The following NSF variants were observed in gnomAD, a reference collection of about 807,000 sequenced individuals.
NSF encodes N-ethylmaleimide sensitive factor, vesicle fusing ATPase, also known as vesicle-fusing ATPase.
In NSF, 14 loss-of-function variants were observed where a neutral mutation model predicts 50.3. The observed-to-expected ratio is 0.28, with a 90% CI of 0.18 to 0.44. The LOEUF is 0.44. Ranked by LOEUF, NSF falls within the 20% of genes least tolerant of loss-of-function variation. The pLI, the probability that NSF is intolerant of heterozygous loss-of-function variation, is 1.00. For missense variants in NSF, 218 were observed against 504.3 expected (o/e 0.43, Z 5.44); for synonymous variants, 109 against 175.7 (o/e 0.62, Z 3.00).
At chr17:46,739,251 G>A (rs1379425158) in intron 17 of NSF, among the ~76,000 whole-genome samples, 2 of 151,274 alleles carry the variant, frequency 1.3e-5, no homozygotes, top group African/African-American at 2.4e-5. Context: ...GGCGTCTGTA[G>A]TCCCAGCTAC....
intron 15 of NSF, among the ~76,000 whole-genome samples, chr17:46,724,687 A>G (rs1335295379): frequency 6.6e-6 from 1 of 152,214 alleles, no homozygotes; most frequent in African/African-American, 2.4e-5. Context: ...ACTTTTGTGA[A>G]AGTAGGATTA....
intron 4 of NSF, among the ~76,000 whole-genome samples, chr17:46,630,990 T>G (rs1167111996): frequency 7.1e-6 from 1 of 140,152 alleles, no homozygotes; most frequent in Non-Finnish European, 1.5e-5. Flanking sequence ...TTTACCCAGC[T>G]TTACCAATTG....
At chr17:46,745,829 A>G (rs2059122581) in intron 17 of NSF, among the ~76,000 whole-genome samples, 1 of 152,168 alleles carries the variant, frequency 6.6e-6, no homozygotes, top group South Asian at 2.1e-4. Context: ...ATATAACAGC[A>G]CCACTTTTTG....
At chr17:46,734,033 G>C (rs77897081) in intron 17 of NSF, among the ~76,000 whole-genome samples, 1 of 152,164 alleles carries the variant, frequency 6.6e-6, no homozygotes, top group Non-Finnish European at 1.5e-5. Context: ...CATGAGTTTT[G>C]TTTTTAACAT....
chr17:46,708,307 C>T (rs1179411420), intron 13 of NSF, among the ~76,000 whole-genome samples: 1 of 152,118 alleles, frequency 6.6e-6, no homozygotes, highest in Admixed American at 6.5e-5. Context: ...TACATTCCCA[C>T]CAGTGGTGCA....
intron 17 of NSF, among the ~76,000 whole-genome samples, chr17:46,740,419 TA>T (rs1160611960): frequency 6.6e-6 from 1 of 152,016 alleles, no homozygotes; most frequent in East Asian, 1.9e-4. Flanking sequence ...ATCACAGAGG[TA>T]AAAATTAAAT....
At chr17:46,716,632 T>C (rs2058773710) in intron 15 of NSF, among the ~76,000 whole-genome samples, 1 of 151,996 alleles carries the variant, frequency 6.6e-6, no homozygotes, top group East Asian at 1.9e-4. Context: ...ATTTATAGAG[T>C]TTTATAATTC....
intron 17 of NSF, among the ~76,000 whole-genome samples, chr17:46,739,450 A>G (rs531953028): frequency 2.1e-4 from 32 of 149,462 alleles, no homozygotes; most frequent in African/African-American, 7.4e-4. Flanking sequence ...GAAGTGGGAG[A>G]ATCACCTGAG....
At chr17:46,751,884 C>T (rs1049159679) in intron 19 of NSF, among the ~76,000 whole-genome samples, 52 of 152,176 alleles carry the variant, frequency 3.4e-4, no homozygotes, top group African/African-American at 1.2e-3. Context: ...CTAGAAAAGA[C>T]TTCAAAGAGC....
chr17:46,705,401 C>T (rs1157217799), intron 13 of NSF, among the ~76,000 whole-genome samples: 2 of 151,968 alleles, frequency 1.3e-5, no homozygotes, highest in Non-Finnish European at 2.9e-5. Context: ...AAAACGCACT[C>T]AAAATGGTCA....
In NSF at chr17:46,754,941, T is replaced by C. The variant is rs72836339; in HGVS notation, c.2158-373T>C. Among the ~76,000 whole-genome samples the C allele has an allele frequency of 4.6e-3, 704 of 152,380 alleles. 3 individuals are homozygous for C. The highest frequency in any genetic ancestry group is 8.7e-3 in the South Asian group (42 of 4,832). On this transcript the variant is annotated intron_variant, in intron 19 of 20. Transcript: ENST00000398238. ...GGTATCTTCTACTTTGCTGTGACTT[T>C]AGTAGCCTTTTACACCTTCAACAGG...
chr17:46,691,901 T>C (rs1431215285), intron 9 of NSF, among the ~76,000 whole-genome samples: 1 of 151,036 alleles, frequency 6.6e-6, no homozygotes, highest in East Asian at 2.0e-4. Flanking sequence ...TACAGGCACC[T>C]GCCACCACAC....
intron 12 of NSF, among the ~76,000 whole-genome samples, chr17:46,697,535 CG>C (rs2058607951): frequency 7.2e-6 from 1 of 139,680 alleles, no homozygotes; most frequent in Non-Finnish European, 1.5e-5. Context: ...AGTAAACTTA[CG>C]TAACTATTCT....
intron 20 of NSF, 100 bp from the exon 21 acceptor site, chr17:46,755,702 C>T: frequency 7.7e-7 from 1 of 1,298,292 alleles, no homozygotes; most frequent in Non-Finnish European, 1.1e-6. Context: ...TGTAGGATAA[C>T]CATTAAGAAG....
chr17:46,739,144 T>G (rs973638387), intron 17 of NSF, among the ~76,000 whole-genome samples: 11 of 149,596 alleles, frequency 7.4e-5, no homozygotes, highest in Non-Finnish European at 1.3e-4. Flanking sequence ...CCAAGGTAGG[T>G]GGATCATTCA....
intron 17 of NSF, among the ~76,000 whole-genome samples, chr17:46,734,927 C>T (rs75951006): frequency 0.025 from 3,806 of 152,048 alleles, 152 homozygotes; most frequent in African/African-American, 0.086. Context: ...GGTGAGCATC[C>T]GTAGACCCAG....
chr17:46,719,748 A>G lies in NSF; in HGVS notation c.1761+5762A>G, dbSNP rs2058809466. Among the ~76,000 whole-genome samples the G allele has an allele frequency of 6.6e-6, 1 of 152,210 alleles. No homozygotes were observed. Among genetic ancestry groups the G allele is most frequent in the Non-Finnish European group, 1.5e-5 (1 of 68,034 alleles). On this transcript the variant is annotated intron_variant, in intron 15 of 20. Transcript: ENST00000398238. The surrounding 1 kb of genome is among the most constrained non-coding windows in gnomAD (Gnocchi z 4.3). ...TAGTTCTATTCGTGCCATTAAATGA[A>G]CAAAAGAAGAAAGCAGAATTTGATT...
At chr17:46,711,755 C>T (rs2058721711) in intron 14 of NSF, among the ~76,000 whole-genome samples, 1 of 152,160 alleles carries the variant, frequency 6.6e-6, no homozygotes, top group Admixed American at 6.5e-5. Context: ...AACCTAACTA[C>T]CTCTAAAGGT....
At chr17:46,621,453 A>AT (rs2058066346) in intron 1 of NSF, among the ~76,000 whole-genome samples, 1 of 107,422 alleles carries the variant, frequency 9.3e-6, no homozygotes, top group Admixed American at 1.0e-4. Flanking sequence ...CGCCTGGCTA[A>AT]TTTTTTGTTA....
Sources: allele counts gnomAD v4.1 joint callset (sites outside exome capture counted in the v4.1 genomes callset), GRCh38; gene constraint gnomAD v4.1.1; non-coding constraint Gnocchi (gnomAD v3.1); transcripts MANE v1.5; gene names NCBI Gene and HGNC (gene_info 2026-07-23, HGNC 2026-07-21).